The following TTC21B variants were observed in gnomAD, a reference collection of about 807,000 sequenced individuals.
TTC21B encodes the protein tetratricopeptide repeat protein 21B.
In TTC21B, 127 loss-of-function variants were observed where a neutral mutation model predicts 175.1. The observed-to-expected ratio is 0.73, with a 90% CI of 0.63 to 0.84. The LOEUF is 0.84. TTC21B is among the 40% of genes least tolerant of loss of function. The pLI is 0.00. For synonymous variants in TTC21B, 524 were observed against 524.5 expected (o/e 1.00, Z 0.01); for missense variants, 1,561 against 1,558.3 (o/e 1.00, Z -0.03).
chr2:165,888,640 T>C (rs935565806), intron 24 of TTC21B, among the ~76,000 whole-genome samples, 166 bp from the exon 25 acceptor site: 2 of 152,222 alleles, frequency 1.3e-5, no homozygotes, highest in African/African-American at 4.8e-5. Flanking sequence ...TCTCTTCTAA[T>C]ACAAAGTGAA....
At chr2:165,949,264 A>T (rs1687685173) in intron 3 of TTC21B, 130 bp downstream of exon 3, 1 of 726,350 alleles carries the variant, frequency 1.4e-6, no homozygotes, top group Non-Finnish European at 2.4e-6. Flanking sequence ...GAAGATAAAC[A>T]TATGTATAAA....
chr2:165,944,935 A>T (rs1358691432), intron 4 of TTC21B, among the ~76,000 whole-genome samples: 2 of 152,168 alleles, frequency 1.3e-5, no homozygotes, highest in African/African-American at 4.8e-5. Context: ...ATTCTTTCAC[A>T]TTCTCTTAAC....
At chr2:165,950,588 A>G (rs1687730868) in intron 1 of TTC21B, among the ~76,000 whole-genome samples, 1 of 152,154 alleles carries the variant, frequency 6.6e-6, no homozygotes, top group African/African-American at 2.4e-5. Flanking sequence ...GACAGGATTG[A>G]AATCTAAGGG....
intron 6 of TTC21B, among the ~76,000 whole-genome samples, chr2:165,935,555 A>G (rs1342885224): frequency 6.6e-6 from 1 of 152,222 alleles, no homozygotes; most frequent in Non-Finnish European, 1.5e-5. Context: ...ACATCTATGT[A>G]GAAAATCTAA....
Position 165,943,428 on chromosome 2 carries a change from A to G in TTC21B, c.430-87T>C, listed in dbSNP as rs1027108120. The G allele has an allele frequency of 1.4e-5, 15 of 1,069,336 alleles. No homozygotes were observed. In the East Asian group the frequency reaches 3.4e-4, roughly 24 times the overall value. 66.2% of individuals were successfully genotyped at this position (1,069,336 alleles called of 1,614,324 possible). A position where few individuals can be genotyped will look rare whatever the true frequency, so the allele number is the denominator to read the frequency against. On this transcript the variant is annotated intron_variant, in intron 4 of 28. Transcript: ENST00000243344. ...AGAGCCTAATGTCATTTTTCTGGCA[A>G]TTAATAACAAAAAGGACTCTATCAA...
At chr2:165,935,778 A>G (rs1370936449) in intron 6 of TTC21B, among the ~76,000 whole-genome samples, 1 of 152,192 alleles carries the variant, frequency 6.6e-6, no homozygotes, top group African/African-American at 2.4e-5. Context: ...CAAGATTTCT[A>G]TGAGGAAAAT....
intron 16 of TTC21B, 130 bp downstream of exon 16, chr2:165,913,444 T>A (rs1686033199): frequency 1.5e-6 from 1 of 646,136 alleles, no homozygotes; most frequent in Non-Finnish European, 2.7e-6. Context: ...AATGGATATC[T>A]CCCTTTTACT....
intron 27 of TTC21B, among the ~76,000 whole-genome samples, chr2:165,878,712 C>T (rs1292497060): frequency 2.8e-5 from 4 of 144,916 alleles, no homozygotes; most frequent in Non-Finnish European, 3.0e-5. Flanking sequence ...GACAGAGTCT[C>T]ACTCCGTCAA....
intron 22 of TTC21B, among the ~76,000 whole-genome samples, chr2:165,895,724 T>C (rs1472762075): frequency 6.6e-6 from 1 of 152,022 alleles, no homozygotes; most frequent in Non-Finnish European, 1.5e-5. Context: ...GATGAGCCCA[T>C]ATTTTGGACC....
chr2:165,927,892 G>C (rs1183156084), intron 11 of TTC21B, among the ~76,000 whole-genome samples: 1 of 152,198 alleles, frequency 6.6e-6, no homozygotes, highest in African/African-American at 2.4e-5. Context: ...CTATAGATCA[G>C]GGACAATGCT....
intron 1 of TTC21B, among the ~76,000 whole-genome samples, chr2:165,950,963 C>T (rs1270689855): frequency 6.6e-6 from 1 of 152,166 alleles, no homozygotes; most frequent in African/African-American, 2.4e-5. Context: ...CCATGTACTT[C>T]TCTAGATCAG....
intron 18 of TTC21B, among the ~76,000 whole-genome samples, chr2:165,910,752 A>G (rs1312878564): frequency 6.6e-6 from 1 of 152,206 alleles, no homozygotes; most frequent in African/African-American, 2.4e-5. Flanking sequence ...CTCATCAAAG[A>G]AATGCAAATT....
chr2:165,876,105 T>G (rs1684656953), intron 28 of TTC21B, 60 bp downstream of exon 28: 1 of 997,898 alleles, frequency 1.0e-6, no homozygotes, highest in Non-Finnish European at 1.6e-6. Flanking sequence ...TCTGGAGATT[T>G]AAAAAAGTAG....
At chr2:165,916,357 T>C (rs1686177196) in intron 14 of TTC21B, among the ~76,000 whole-genome samples, 1 of 152,188 alleles carries the variant, frequency 6.6e-6, no homozygotes, top group Non-Finnish European at 1.5e-5. Context: ...GAAAAATAAG[T>C]GATTAGCAAG....
chr2:165,901,102 A>C (rs955386810), intron 20 of TTC21B, among the ~76,000 whole-genome samples: 5 of 151,904 alleles, frequency 3.3e-5, no homozygotes, highest in African/African-American at 9.7e-5. Context: ...GGGTTTACCC[A>C]TGCTGCCTAG....
At chr2:165,940,532 C>T (rs1014715171) in intron 6 of TTC21B, among the ~76,000 whole-genome samples, 7 of 152,162 alleles carry the variant, frequency 4.6e-5, no homozygotes, top group African/African-American at 1.4e-4. Flanking sequence ...GGGGACTCTG[C>T]ATTTGCTTTT....
chr2:165,904,348 G>A (rs985579946), intron 19 of TTC21B, among the ~76,000 whole-genome samples: 1 of 151,966 alleles, frequency 6.6e-6, no homozygotes, highest in African/African-American at 2.4e-5. Context: ...AACTTAGATA[G>A]ATATCACAGA....
chr2:165,883,783 C>T lies in TTC21B; in HGVS notation c.3684+11G>A, dbSNP rs778217139. 3 of 1,604,274 alleles carry T rather than the reference C, an allele frequency of 1.9e-6. No homozygotes were observed. Among genetic ancestry groups the T allele is most frequent in the East Asian group, 4.5e-5 (2 of 44,784 alleles). Reference sequence around the variant, plus strand: ...AGGTCAATAATTATTTTTTACTCTTCAATCACCTACTCTATTATGACGCAG... The same window carrying T: ...AGGTCAATAATTATTTTTTACTCTTTAATCACCTACTCTATTATGACGCAG... On this transcript the variant is annotated intron_variant, in intron 26 of 28. Transcript: ENST00000243344.
chr2:165,902,037 C>T lies in TTC21B; in HGVS notation c.2569-127G>A, dbSNP rs182381258. The T allele has an allele frequency of 4.5e-4, 375 of 837,758 alleles. 5 individuals are homozygous for T. In the Admixed American group the frequency reaches 8.3e-3, roughly 18 times the overall value. 51.9% of individuals were successfully genotyped at this position (837,758 alleles called of 1,614,324 possible). ...AACCCTTGATCTAACAAAGTCTGAT[C>T]CAAAGAAAATGTCTTATTGAGATCT... is the stretch of plus-strand genomic sequence containing the variant. On this transcript the variant is annotated intron_variant, in intron 19 of 28. Transcript: ENST00000243344.
Sources: gnomAD v4.1 joint callset for allele counts (sites outside exome capture counted in the v4.1 genomes callset) on GRCh38, gnomAD v4.1.1 for gene constraint, MANE v1.5 for transcripts, NCBI Gene and HGNC (gene_info 2026-07-23, HGNC 2026-07-21) for gene names.